The following ATRNL1 variants were observed in gnomAD, a reference collection of about 807,000 sequenced individuals.
ATRNL1 encodes the protein attractin-like protein 1.
Under a neutral mutation model 182.7 loss-of-function variants are expected in ATRNL1, and 95 were observed. The ratio of observed to expected loss-of-function variants is 0.52; its 90% CI spans 0.44 to 0.62. The LOEUF (loss-of-function observed/expected upper bound fraction) is 0.62, where lower values mean the gene tolerates loss of function less well. Among genes scored for constraint, ATRNL1 ranks in the 20% least tolerant of loss-of-function variants. The pLI is 0.00. For synonymous variants in ATRNL1, 576 were observed against 568.3 expected (o/e 1.01, Z -0.19); for missense variants, 1,471 against 1,679.5 (o/e 0.88, Z 2.17).
chr10:115,356,666 C>T (rs1856517528), intron 19 of ATRNL1, among the ~76,000 whole-genome samples: 1 of 151,832 alleles, frequency 6.6e-6, no homozygotes, highest in Admixed American at 6.6e-5. Flanking sequence ...TTTGCCATGG[C>T]TTTATCAAAC....
intron 21 of ATRNL1, among the ~76,000 whole-genome samples, chr10:115,434,098 G>A (rs1205523308): frequency 2.0e-5 from 3 of 152,128 alleles, no homozygotes; most frequent in Non-Finnish European, 4.4e-5. Flanking sequence ...CTACTGAAGG[G>A]ACTGCCTGCC....
intron 25 of ATRNL1, among the ~76,000 whole-genome samples, chr10:115,535,254 G>A (rs1328745463): frequency 5.3e-5 from 8 of 152,150 alleles, no homozygotes; most frequent in African/African-American, 1.9e-4. Flanking sequence ...CCGATCAGAC[G>A]TAGATGTGGT....
intron 28 of ATRNL1, among the ~76,000 whole-genome samples, chr10:115,927,573 A>G (rs1953273539): frequency 6.6e-6 from 1 of 152,104 alleles, no homozygotes; most frequent in Non-Finnish European, 1.5e-5. Flanking sequence ...AGCTTCAACT[A>G]TATATAAAAG....
chr10:115,547,438 A>G (rs1340504996), intron 25 of ATRNL1, among the ~76,000 whole-genome samples: 4 of 151,988 alleles, frequency 2.6e-5, no homozygotes, highest in Non-Finnish European at 1.5e-5. Flanking sequence ...AAACTAAGAA[A>G]TCTTTTATAG....
At chr10:115,635,904 A>G (rs1555027947) in intron 26 of ATRNL1, among the ~76,000 whole-genome samples, 1 of 152,166 alleles carries the variant, frequency 6.6e-6, no homozygotes, top group African/African-American at 2.4e-5. Flanking sequence ...GAAACATAAG[A>G]ATAAATACTT....
intron 13 of ATRNL1, among the ~76,000 whole-genome samples, chr10:115,275,026 G>A (rs1327902178): frequency 6.6e-6 from 1 of 152,098 alleles, no homozygotes; most frequent in Non-Finnish European, 1.5e-5. Flanking sequence ...CTTGATTGTG[G>A]CACTAATCTT....
At chr10:115,573,252 C>T (rs1329270696) in intron 26 of ATRNL1, among the ~76,000 whole-genome samples, 1 of 152,052 alleles carries the variant, frequency 6.6e-6, no homozygotes, top group African/African-American at 2.4e-5. Flanking sequence ...TGATCTTCGT[C>T]TGGAGTTGGG....
At chr10:115,103,910 A>G (rs1843890012) in intron 1 of ATRNL1, among the ~76,000 whole-genome samples, 1 of 152,152 alleles carries the variant, frequency 6.6e-6, no homozygotes, top group Non-Finnish European at 1.5e-5. Flanking sequence ...TCCCTTGTGT[A>G]TATGTACCAC....
chr10:115,263,784 A>G (rs566607775), intron 10 of ATRNL1, among the ~76,000 whole-genome samples: 18 of 151,886 alleles, frequency 1.2e-4, no homozygotes, highest in Non-Finnish European at 2.1e-4. Flanking sequence ...AGGCCTCCAT[A>G]ATAATATTTT....
At chr10:115,152,389 A>G (rs576434227) in intron 5 of ATRNL1, among the ~76,000 whole-genome samples, 5 of 151,864 alleles carry the variant, frequency 3.3e-5, no homozygotes, top group Non-Finnish European at 7.4e-5. Flanking sequence ...CTTTTATTTC[A>G]TTGAGCAGTG....
chr10:115,550,300 T>C (rs1023242504), intron 26 of ATRNL1, among the ~76,000 whole-genome samples: 1 of 151,862 alleles, frequency 6.6e-6, no homozygotes, highest in Non-Finnish European at 1.5e-5. Flanking sequence ...TTTTATTTGC[T>C]ATTGCATTTC....
At chr10:115,797,233 A>T (rs1949674857) in intron 27 of ATRNL1, among the ~76,000 whole-genome samples, 1 of 152,238 alleles carries the variant, frequency 6.6e-6, no homozygotes, top group Non-Finnish European at 1.5e-5. Flanking sequence ...TGTGGGGCCC[A>T]GTACAAAATG....
chr10:115,832,755 T>C (rs1950586944), intron 27 of ATRNL1, among the ~76,000 whole-genome samples: 1 of 152,184 alleles, frequency 6.6e-6, no homozygotes, highest in Non-Finnish European at 1.5e-5. Context: ...TCTCTAACCC[T>C]TTACTTTTGC....
chr10:115,437,473 A>C (rs1554964964), intron 21 of ATRNL1, among the ~76,000 whole-genome samples: 1 of 152,044 alleles, frequency 6.6e-6, no homozygotes, highest in South Asian at 2.1e-4. Flanking sequence ...TCCTGGAGCT[A>C]TCTGTAAAAT....
chr10:115,839,750 G>T (rs1290114092), intron 27 of ATRNL1, among the ~76,000 whole-genome samples: 1 of 152,152 alleles, frequency 6.6e-6, no homozygotes, highest in Non-Finnish European at 1.5e-5. Context: ...TAGCTTAAAA[G>T]GATGCTTCAC....
intron 26 of ATRNL1, among the ~76,000 whole-genome samples, chr10:115,590,849 T>C (rs1290022390): frequency 1.3e-5 from 2 of 152,152 alleles, no homozygotes; most frequent in Non-Finnish European, 2.9e-5. Context: ...CTCCTGTTGA[T>C]CAGAGGTTTC....
chr10:115,876,221 T>C (rs1004227923), intron 28 of ATRNL1, among the ~76,000 whole-genome samples: 4 of 152,070 alleles, frequency 2.6e-5, no homozygotes, highest in Non-Finnish European at 5.9e-5. Context: ...TTGGGTGTTT[T>C]ATCCTGGGAA....
intron 8 of ATRNL1, among the ~76,000 whole-genome samples, chr10:115,212,748 C>A (rs1258241323): frequency 6.6e-6 from 1 of 152,098 alleles, no homozygotes; most frequent in Non-Finnish European, 1.5e-5. Context: ...AACACAGGAA[C>A]AGAAAACCAA....
intron 7 of ATRNL1, among the ~76,000 whole-genome samples, chr10:115,170,071 T>A (rs1847227989): frequency 1.3e-5 from 2 of 152,162 alleles, no homozygotes; most frequent in South Asian, 4.1e-4. Context: ...TATACCAGAT[T>A]GCATCATCTG....
Sources: gnomAD v4.1 joint callset for allele counts (sites outside exome capture counted in the v4.1 genomes callset) on GRCh38, gnomAD v4.1.1 for gene constraint, MANE v1.5 for transcripts, NCBI Gene and HGNC (gene_info 2026-07-23, HGNC 2026-07-21) for gene names.